Variants in KLHL29 observed in about 807,000 individuals in gnomAD.
KLHL29 encodes the protein kelch-like protein 29.
Under a neutral mutation model 80.4 loss-of-function variants are expected in KLHL29, and 21 were observed. That is an observed-to-expected ratio of 0.26 (90% CI 0.19 to 0.38). The LOEUF is 0.38. Ranked by LOEUF, KLHL29 falls within the 10% of genes least tolerant of loss-of-function variation. The pLI is 1.00. For missense variants in KLHL29, 867 were observed against 1,223.9 expected (o/e 0.71, Z 4.35); for synonymous variants, 511 against 526.8 (o/e 0.97, Z 0.41).
chr2:23,566,394 T>C (rs1667590505), intron 3 of KLHL29, among the ~76,000 whole-genome samples: 1 of 152,234 alleles, frequency 6.6e-6, no homozygotes, highest in Non-Finnish European at 1.5e-5. Flanking sequence ...GGTCACCCAG[T>C]GAGTTAGAAT....
rs540054982 is a variant in KLHL29, at chr2:23,703,233, A to G, written c.2153A>G (p.Lys718Arg). 1 of 1,528,982 alleles carries G rather than the reference A, an allele frequency of 6.5e-7. No homozygotes were observed. The highest frequency in any genetic ancestry group is 1.4e-5 in the African/African-American group (1 of 72,128). The allele number at this position is 1,528,982 out of a possible 1,614,324, so 94.7% of individuals were successfully genotyped here. A position where few individuals can be genotyped will look rare whatever the true frequency, so the allele number is the denominator to read the frequency against. ...TGGGAGGCGGTGGCCCCTCTGCCCA[A>G]GGCAGTACACTCTGCTGCAGCCACA... ...NQWEAVAPLP[K>R]AVHSAAATVC... The change falls in exon 12 of 14, where the codon AAG (lysine) becomes AGG (arginine). Residue 718 changes from lysine (K) to arginine (R), a missense_variant. Lys to Arg is a conservative substitution (Grantham distance 26, BLOSUM62 2). This residue lies in a region of KLHL29 where 443 missense variants were observed against 767.0 expected (regional missense o/e 0.58). Transcript: ENST00000486442.
chr2:23,391,000 A>G (rs1346214018), intron 1 of KLHL29, among the ~76,000 whole-genome samples: 2 of 152,228 alleles, frequency 1.3e-5, no homozygotes, highest in African/African-American at 4.8e-5. Context: ...AGCAAGCTCC[A>G]GAACCCTTCG....
chr2:23,706,542 G>A lies in KLHL29; in HGVS notation c.2506G>A (p.Ala836Thr), dbSNP rs1177845783. The change falls in exon 14 of 14, where the codon GCG (alanine) becomes ACG (threonine). Residue 836 changes from alanine to threonine, a missense_variant. By Grantham distance (58) the Ala-to-Thr change is moderately conservative. This residue lies in a region of KLHL29 where 443 missense variants were observed against 767.0 expected (regional missense o/e 0.58). Coordinates refer to ENST00000486442, the MANE Select transcript of KLHL29 (RefSeq NM_052920.2). ...AGGTATTGTCAGCAGTGAAGGGCCC[G>A]CGCTGGGCAACATGGAGGCCTACGA... ...TGGIVSSEGP[A>T]LGNMEAYEPT... 6.4e-5 allele frequency: 98 copies of A among 1,536,854 alleles called. No individual in the cohort carries two copies. Among genetic ancestry groups the A allele is most frequent in the Middle Eastern group, 1.7e-4 (1 of 6,012 alleles).
intron 3 of KLHL29, among the ~76,000 whole-genome samples, chr2:23,618,580 C>T (rs1669082539): frequency 6.6e-6 from 1 of 152,184 alleles, no homozygotes; most frequent in Non-Finnish European, 1.5e-5. Flanking sequence ...GGTCTCAAGC[C>T]TGCAGGCTTT....
intron 1 of KLHL29, among the ~76,000 whole-genome samples, chr2:23,420,324 T>C (rs1325569458): frequency 6.6e-6 from 1 of 152,190 alleles, no homozygotes; most frequent in Non-Finnish European, 1.5e-5. Context: ...CCGTCACTGC[T>C]TCCTCCTGCC....
At chr2:23,703,491 C>G in intron 12 of KLHL29, 112 bp downstream of exon 12, 1 of 1,108,004 alleles carries the variant, frequency 9.0e-7, no homozygotes, top group Non-Finnish European at 1.2e-6. Context: ...TCTGCAGACC[C>G]AGATCTAGAG....
At chr2:23,576,483 G>A (rs1234225461) in intron 3 of KLHL29, among the ~76,000 whole-genome samples, 1 of 152,166 alleles carries the variant, frequency 6.6e-6, no homozygotes, top group Non-Finnish European at 1.5e-5. Context: ...TGAATATTGT[G>A]TTATAATGAC....
At chr2:23,421,114 G>A (rs931426405) in intron 1 of KLHL29, among the ~76,000 whole-genome samples, 7 of 152,228 alleles carry the variant, frequency 4.6e-5, no homozygotes, top group African/African-American at 1.7e-4. Context: ...GACTCGCTCA[G>A]TAGTGTAGAC....
At chr2:23,595,476 C>T (rs1000856714) in intron 3 of KLHL29, among the ~76,000 whole-genome samples, 1 of 152,242 alleles carries the variant, frequency 6.6e-6, no homozygotes, top group African/African-American at 2.4e-5. Flanking sequence ...CCTCTCTGTG[C>T]CAAGGCTTGG....
intron 2 of KLHL29, among the ~76,000 whole-genome samples, chr2:23,506,575 G>T (rs776127405): frequency 6.6e-5 from 10 of 152,332 alleles, no homozygotes; most frequent in Admixed American, 1.3e-4. Flanking sequence ...CCCAAGTGGG[G>T]TACTCAAGGC....
intron 5 of KLHL29, among the ~76,000 whole-genome samples, chr2:23,657,503 C>G (rs1670278689): frequency 1.3e-5 from 2 of 152,228 alleles, no homozygotes; most frequent in Non-Finnish European, 2.9e-5. Flanking sequence ...TAATGGACAT[C>G]TCTCAGCAAT....
Position 23,552,761 on chromosome 2 carries a change from C to CTTTTTTTTTTTTTTTTTTT in KLHL29, c.-45-9374_-45-9373insTTTTTTTTTTTTTTTTTTT. Among the ~76,000 whole-genome samples the CTTTTTTTTTTTTTTTTTTT allele has an allele frequency of 5.8e-3, 556 of 95,480 alleles. 75 individuals carry two copies. Among genetic ancestry groups the CTTTTTTTTTTTTTTTTTTT allele is most frequent in the Admixed American group, 0.012 (88 of 7,414 alleles). 62.6% of individuals were successfully genotyped at this position (95,480 alleles called of 152,430 possible). On this transcript the variant is annotated intron_variant, in intron 2 of 13. Coordinates refer to ENST00000486442, the MANE Select transcript of KLHL29 (RefSeq NM_052920.2). ...CACGGCTATAGCTCTGGTTTCTTTT[C>CTTTTTTTTTTTTTTTTTTT]TTTTTTTTTTTTTTTTTGAGATGGC...
chr2:23,502,014 A>G (rs1665460763), intron 2 of KLHL29, among the ~76,000 whole-genome samples: 1 of 152,178 alleles, frequency 6.6e-6, no homozygotes, highest in Non-Finnish European at 1.5e-5. Context: ...TTCCTCCAAG[A>G]AAGGTCTCCT....
chr2:23,704,360 T>C (rs1389033788), intron 13 of KLHL29, among the ~76,000 whole-genome samples: 2 of 152,088 alleles, frequency 1.3e-5, no homozygotes, highest in Non-Finnish European at 2.9e-5. Flanking sequence ...GCAGAGAAGG[T>C]AGAGGGCTGA....
intron 1 of KLHL29, among the ~76,000 whole-genome samples, chr2:23,455,591 G>A (rs1454783735): frequency 2.0e-5 from 3 of 151,554 alleles, no homozygotes; most frequent in Non-Finnish European, 2.9e-5. Flanking sequence ...CGTCAGCTGA[G>A]GGATGGTCTC....
At chr2:23,493,724 C>T (rs911135668) in intron 2 of KLHL29, among the ~76,000 whole-genome samples, 9 of 151,898 alleles carry the variant, frequency 5.9e-5, no homozygotes, top group Non-Finnish European at 1.3e-4. Flanking sequence ...TCTGTGTGTC[C>T]GTGTGGTCAC....
At chr2:23,513,782 C>G (rs1438067489) in intron 2 of KLHL29, among the ~76,000 whole-genome samples, 1 of 152,104 alleles carries the variant, frequency 6.6e-6, no homozygotes, top group Non-Finnish European at 1.5e-5. Context: ...GGTGTGGACT[C>G]TGGCAAGAGG....
At chr2:23,502,032 C>T (rs1665461260) in intron 2 of KLHL29, among the ~76,000 whole-genome samples, 1 of 152,166 alleles carries the variant, frequency 6.6e-6, no homozygotes, top group African/African-American at 2.4e-5. Flanking sequence ...CCTGCTGGCT[C>T]CTGGGCCCAT....
At chr2:23,444,036 GTCTC>G (rs1340412583) in intron 1 of KLHL29, among the ~76,000 whole-genome samples, 1 of 152,252 alleles carries the variant, frequency 6.6e-6, no homozygotes, top group East Asian at 1.9e-4. Flanking sequence ...AAGACCTCAT[GTCTC>G]TCTTTGAGTT....
Sources: gnomAD v4.1 joint callset for allele counts (sites outside exome capture counted in the v4.1 genomes callset) on GRCh38, gnomAD v4.1.1 for gene constraint, gnomAD v4.1.1 regional missense constraint, MANE v1.5 for transcripts, NCBI Gene and HGNC (gene_info 2026-07-23, HGNC 2026-07-21) for gene names.